The following GLG1 variants were observed in gnomAD, a reference collection of about 807,000 sequenced individuals.
GLG1 encodes the protein Golgi apparatus protein 1.
Under a neutral mutation model 160.5 loss-of-function variants are expected in GLG1, and 38 were observed. The observed-to-expected ratio is 0.24, with a 90% CI of 0.18 to 0.31. The LOEUF is 0.31. GLG1 is among the 10% of genes least tolerant of loss of function. GLG1 has a pLI of 1.00. For missense variants in GLG1, 1,373 were observed against 1,505.2 expected (o/e 0.91, Z 1.45); for synonymous variants, 644 against 543.4 (o/e 1.19, Z -2.57).
intron 17 of GLG1, 114 bp from the exon 18 acceptor site, chr16:74,467,962 G>T: frequency 1.6e-6 from 1 of 634,568 alleles, no homozygotes. Flanking sequence ...CTTCTACATA[G>T]CAAAGTCGCC....
chr16:74,477,291 T>C lies in GLG1; in HGVS notation c.1965+105A>G, dbSNP rs2015417492. On this transcript the variant is annotated intron_variant, in intron 12 of 25. Coordinates refer to ENST00000422840, the MANE Select transcript of GLG1 (RefSeq NM_001145667.2). ...ATTGAACAATACAACAAATCACATCTGTAAGGTAAAGAGAGATGGATTTTA... is the reference window on the plus strand; with the variant it reads ...ATTGAACAATACAACAAATCACATCCGTAAGGTAAAGAGAGATGGATTTTA... The C allele has an allele frequency of 1.1e-5, 10 of 907,840 alleles. No individual in the cohort carries two copies. The South Asian group carries it at 1.4e-4, about 13-fold the overall frequency. The allele number at this position is 907,840 out of a possible 1,614,324, so 56.2% of individuals were successfully genotyped here.
Position 74,540,043 on chromosome 16 carries a change from TATATTATATATATTTTA to T in GLG1, c.439-7907_439-7891del, listed in dbSNP as rs2017801092. 2.2e-4 allele frequency among the ~76,000 whole-genome samples: 2 copies of T among 8,904 alleles called. 1 individual carries two copies. Among genetic ancestry groups the T allele is most frequent in the Non-Finnish European group, 3.9e-4 (2 of 5,156 alleles). 5.8% of individuals were successfully genotyped at this position (8,904 alleles called of 152,430 possible). A position where few individuals can be genotyped will look rare whatever the true frequency, so the allele number is the denominator to read the frequency against. On this transcript the variant is annotated intron_variant, in intron 1 of 25. Coordinates refer to ENST00000422840, the MANE Select transcript of GLG1 (RefSeq NM_001145667.2). ...ATATATATTATATATATTTTATATA[TATATTATATATATTTTA>T]TATATATATATTATATATATTTTAT...
rs73610513 is a variant in GLG1 at position 74,562,010 on chromosome 16, T to C, written c.439-29857A>G. ...ACCTGATGGGTCATTGGAACACTTA[T>C]AGAGGAATTTCATTCAACTGTCATT... is the stretch of plus-strand genomic sequence containing the variant. On this transcript the variant is annotated intron_variant, in intron 1 of 25. Coordinates refer to ENST00000422840, the MANE Select transcript of GLG1 (RefSeq NM_001145667.2). 2.9e-3 allele frequency among the ~76,000 whole-genome samples: 448 copies of C among 152,372 alleles called. 1 individual carries two copies. Among genetic ancestry groups the C allele is most frequent in the African/African-American group, 0.01 (418 of 41,592 alleles).
At chr16:74,573,796 G>A (rs906734592) in intron 1 of GLG1, among the ~76,000 whole-genome samples, 13 of 145,300 alleles carry the variant, frequency 8.9e-5, no homozygotes, top group East Asian at 7.9e-4. Flanking sequence ...CCTATCTAGC[G>A]TCTTTTTTTT....
chr16:74,457,570 GA>G (rs1364198512), intron 24 of GLG1, among the ~76,000 whole-genome samples: 1 of 152,118 alleles, frequency 6.6e-6, no homozygotes, highest in Non-Finnish European at 1.5e-5. Flanking sequence ...TCGGCACCAG[GA>G]AAAGGACCAT....
At chr16:74,595,067 A>G (rs1291449562) in intron 1 of GLG1, among the ~76,000 whole-genome samples, 2 of 152,016 alleles carry the variant, frequency 1.3e-5, no homozygotes, top group Non-Finnish European at 2.9e-5. Flanking sequence ...AGACGCCTGT[A>G]GTCCCAGCTA....
intron 1 of GLG1, among the ~76,000 whole-genome samples, chr16:74,556,223 T>C (rs1472975805): frequency 6.6e-6 from 1 of 152,146 alleles, no homozygotes; most frequent in Non-Finnish European, 1.5e-5. Flanking sequence ...TATAACAAAG[T>C]GAAATAGTCC....
chr16:74,520,992 T>C lies in GLG1; in HGVS notation c.471+11129A>G, dbSNP rs548395992. On this transcript the variant is annotated intron_variant, in intron 2 of 25. Coordinates refer to ENST00000422840, the MANE Select transcript of GLG1 (RefSeq NM_001145667.2). ...CAAATTATCAAGTAAATGTGTCAGGTGATAAGCTAGGGCAAGGTGAATTGA... is the reference window on the plus strand; with the variant it reads ...CAAATTATCAAGTAAATGTGTCAGGCGATAAGCTAGGGCAAGGTGAATTGA... 1.1e-4 allele frequency among the ~76,000 whole-genome samples: 17 copies of C among 152,198 alleles called. No individual in the cohort carries two copies. In the South Asian group the frequency reaches 3.5e-3, roughly 32 times the overall value.
intron 2 of GLG1, among the ~76,000 whole-genome samples, chr16:74,511,925 ATCT>A (rs1809361930): frequency 6.6e-6 from 1 of 152,068 alleles, no homozygotes; most frequent in Admixed American, 6.6e-5. Context: ...ACTGTATCTC[ATCT>A]TTTTTTTGTT....
chr16:74,545,903 C>T (rs185596828), intron 1 of GLG1, among the ~76,000 whole-genome samples: 2 of 152,212 alleles, frequency 1.3e-5, no homozygotes, highest in African/African-American at 4.8e-5. Context: ...TGTTACCAAC[C>T]GGTCAACTTT....
chr16:74,540,365 T>A (rs1051209912), intron 1 of GLG1, among the ~76,000 whole-genome samples: 3 of 150,920 alleles, frequency 2.0e-5, no homozygotes, highest in African/African-American at 7.3e-5. Context: ...TATAAAAAAA[T>A]GTAAATTCTT....
intron 4 of GLG1, 150 bp downstream of exon 4, chr16:74,503,380 CA>C: frequency 1.6e-6 from 1 of 629,960 alleles, no homozygotes; most frequent in East Asian, 2.7e-5. Flanking sequence ...CATTGTCAAC[CA>C]GCCTTAGCTC....
rs1016314026 is a variant in GLG1 at position 74,570,732 on chromosome 16, T to C, written c.438+35925A>G. ...TCAACATAGTGGGACCCTGTCTCTA[T>C]AAAAAATCAGCCAGGTGTGGTGGCA... On this transcript the variant is annotated intron_variant, in intron 1 of 25. Transcript: ENST00000422840. Among the ~76,000 whole-genome samples the C allele has an allele frequency of 5.9e-5, 9 of 152,148 alleles. No individual in the cohort carries two copies. In the East Asian group the frequency reaches 1.7e-3, roughly 29 times the overall value.
intron 10 of GLG1, 87 bp downstream of exon 10, chr16:74,482,936 C>T: frequency 2.5e-6 from 2 of 786,866 alleles, no homozygotes; most frequent in Admixed American, 1.9e-5. Flanking sequence ...GAGTTTCCTA[C>T]TGATTATTTT....
intron 24 of GLG1, 45 bp from the exon 25 acceptor site, chr16:74,456,800 A>G (rs1190975112): frequency 1.7e-6 from 2 of 1,161,108 alleles, no homozygotes; most frequent in East Asian, 4.7e-5. Context: ...AACTGTACAG[A>G]ATAGAGAAAT....
chr16:74,569,370 A>T (rs1597356917), intron 1 of GLG1, among the ~76,000 whole-genome samples: 1 of 152,226 alleles, frequency 6.6e-6, no homozygotes, highest in East Asian at 1.9e-4. Flanking sequence ...AAACACAGTA[A>T]ACCCAAGTAT....
chr16:74,573,397 G>C (rs889144663), intron 1 of GLG1, among the ~76,000 whole-genome samples: 3 of 151,930 alleles, frequency 2.0e-5, no homozygotes, highest in African/African-American at 7.3e-5. Context: ...CTGAAAATTT[G>C]ATGCCAGTAT....
At chr16:74,503,879 G>A in intron 3 of GLG1, 133 bp from the exon 4 acceptor site, 2 of 636,148 alleles carry the variant, frequency 3.1e-6, no homozygotes, top group East Asian at 2.7e-5. Flanking sequence ...AAAGAAAAAT[G>A]CTTAGAAATA....
At chr16:74,517,442 T>G (rs12444651) in intron 2 of GLG1, among the ~76,000 whole-genome samples, 5 of 152,146 alleles carry the variant, frequency 3.3e-5, no homozygotes, top group Non-Finnish European at 7.3e-5. Context: ...GAATCAGTAA[T>G]AAAAACCACA....
Sources: allele counts gnomAD v4.1 joint callset (sites outside exome capture counted in the v4.1 genomes callset), GRCh38; gene constraint gnomAD v4.1.1; transcripts MANE v1.5; gene names NCBI Gene and HGNC (gene_info 2026-07-23, HGNC 2026-07-21).